The following DSTN variants were observed in gnomAD, a reference collection of about 807,000 sequenced individuals.
DSTN encodes destrin.
DSTN carries 10 observed loss-of-function variants against 16.8 expected under a neutral mutation model. That is an observed-to-expected ratio of 0.60 (90% CI 0.37 to 1.01). The LOEUF is 1.01. Among genes scored for constraint, DSTN ranks in the 50% least tolerant of loss-of-function variants. The pLI, the probability that DSTN is intolerant of heterozygous loss-of-function variation, is 0.01. For synonymous variants in DSTN, 57 were observed against 58.9 expected (o/e 0.97, Z 0.14); for missense variants, 141 against 196.7 (o/e 0.72, Z 1.69).
At chr20:17,603,406 A>G (rs565877230) in intron 2 of DSTN, among the ~76,000 whole-genome samples, 220 of 152,260 alleles carry the variant, frequency 1.4e-3, no homozygotes, top group African/African-American at 4.9e-3. Context: ...TTGTTATAAC[A>G]TTGAGAAAAA....
intron 1 of DSTN, among the ~76,000 whole-genome samples, chr20:17,571,694 T>A (rs944614622): frequency 2.0e-5 from 3 of 152,218 alleles, no homozygotes; most frequent in Admixed American, 6.5e-5. Flanking sequence ...GACTTCTGAT[T>A]TGACATTATG....
At position 17,604,526 on chromosome 20, in the gene DSTN, T is replaced by G. The variant is rs762828323; in HGVS notation, c.312-29T>G. ...CAAGTTATACTTTCTCTAAACCACT[T>G]TTTTCATTTTTGGCATCTTTCTATC... On this transcript the variant is annotated intron_variant, in intron 2 of 3. Coordinates refer to ENST00000246069, the MANE Select transcript of DSTN (RefSeq NM_006870.4). The G allele has an allele frequency of 1.9e-6, 3 of 1,598,392 alleles. No individual in the cohort carries two copies. The African/African-American group carries it at 4.1e-5, about 22-fold the overall frequency.
intron 1 of DSTN, among the ~76,000 whole-genome samples, chr20:17,592,945 C>T (rs1249203401): frequency 1.3e-5 from 2 of 152,214 alleles, no homozygotes; most frequent in African/African-American, 4.8e-5. Context: ...CTATAATTTT[C>T]TTCCTCTTCT....
At chr20:17,583,735 C>CTTTTTTTTTTTTTTTTTTTTTTTTTTT (rs71192397) in intron 1 of DSTN, among the ~76,000 whole-genome samples, 1 of 72,492 alleles carries the variant, frequency 1.4e-5, no homozygotes, top group Non-Finnish European at 2.4e-5. Flanking sequence ...TTTGGAGTTT[C>CTTTTTTTTTTTTTTTTTTTTTTTTTTT]TTTTTTTTTT....
chr20:17,571,375 C>G (rs1311949857), intron 1 of DSTN, among the ~76,000 whole-genome samples: 2 of 152,316 alleles, frequency 1.3e-5, no homozygotes, highest in South Asian at 2.1e-4. Context: ...ACTACAACTT[C>G]CGTGAACATG....
chr20:17,601,697 C>T (rs74579742), intron 2 of DSTN, among the ~76,000 whole-genome samples: 5,296 of 152,262 alleles, frequency 0.035, 258 homozygotes, highest in African/African-American at 0.11. Context: ...CTCTGTTGGG[C>T]AGTGTTACTC....
intron 1 of DSTN, among the ~76,000 whole-genome samples, chr20:17,593,805 G>A (rs1054058278): frequency 1.3e-5 from 2 of 152,148 alleles, no homozygotes; most frequent in African/African-American, 4.8e-5. Context: ...TGGGCTGGGG[G>A]TGGTGGCTCA....
rs768503849 is a variant in DSTN at position 17,607,074 on chromosome 20, T to A, written c.426T>A (p.Asp142Glu). 13 of 1,613,748 alleles carry A rather than the reference T, an allele frequency of 8.1e-6. No individual in the cohort carries two copies. Among genetic ancestry groups the A allele is most frequent in the Non-Finnish European group, 8.5e-7 (1 of 1,180,002 alleles). The change falls in exon 4 of 4, where the codon GAT becomes GAA. Residue 142 changes from aspartate (D) to glutamate (E), a missense_variant. Physicochemically the swap from Asp to Glu is conservative, Grantham distance 45. Coordinates refer to ENST00000246069, the MANE Select transcript of DSTN (RefSeq NM_006870.4). ...KHECQANGPE[D>E]LNRACIAEKL... is the part of the protein sequence containing the mutation. Reference sequence around the variant, plus strand: ...AATGTCAAGCAAATGGACCAGAAGATCTCAATCGGGCTTGTATTGCTGAAA... The same window carrying A: ...AATGTCAAGCAAATGGACCAGAAGAACTCAATCGGGCTTGTATTGCTGAAA...
At chr20:17,602,295 A>G (rs1034922698) in intron 2 of DSTN, among the ~76,000 whole-genome samples, 1 of 152,212 alleles carries the variant, frequency 6.6e-6, no homozygotes, top group Non-Finnish European at 1.5e-5. Flanking sequence ...CTTTATTTCT[A>G]CTACACGCCA....
intron 1 of DSTN, among the ~76,000 whole-genome samples, chr20:17,577,705 T>C (rs977119333): frequency 6.6e-6 from 1 of 152,226 alleles, no homozygotes; most frequent in Non-Finnish European, 1.5e-5. Flanking sequence ...ACTTTTAACT[T>C]TTCTAGTAAT....
intron 1 of DSTN, among the ~76,000 whole-genome samples, chr20:17,580,684 G>T (rs2035332454): frequency 6.6e-6 from 1 of 151,904 alleles, no homozygotes; most frequent in Admixed American, 6.6e-5. Context: ...GGAGGCGGAG[G>T]TTGCAGTGAG....
In DSTN at chr20:17,609,781, T is replaced by G. The variant is rs2035680044; in HGVS notation, c.*2635T>G. The G allele has an allele frequency of 1.3e-5, 2 of 152,222 alleles. No individual in the cohort carries two copies. The highest frequency in any genetic ancestry group is 2.9e-5 in the Non-Finnish European group (2 of 68,054). 9.4% of individuals were successfully genotyped at this position (152,222 alleles called of 1,614,324 possible). A position where few individuals can be genotyped will look rare whatever the true frequency, so the allele number is the denominator to read the frequency against. On this transcript the variant is annotated 3_prime_UTR_variant, in exon 4 of 4. Transcript: ENST00000246069. ...GGAACAAAACTGCAAGTATACTCTG[T>G]TTCCAGAAAATACGTTTACCTCTTC...
chr20:17,585,868 G>A (rs976248936), intron 1 of DSTN, among the ~76,000 whole-genome samples: 1 of 152,126 alleles, frequency 6.6e-6, no homozygotes, highest in African/African-American at 2.4e-5. Context: ...TTTTCACTCA[G>A]CATAAAGCAT....
At chr20:17,571,396 C>T (rs1195840637) in intron 1 of DSTN, among the ~76,000 whole-genome samples, 2 of 152,154 alleles carry the variant, frequency 1.3e-5, no homozygotes, top group Non-Finnish European at 2.9e-5. Flanking sequence ...CAGGCGGCCC[C>T]TTAGTGAAAG....
chr20:17,570,121 C>G lies in DSTN; in HGVS notation c.-88C>G, dbSNP rs188327264. On this transcript the variant is annotated 5_prime_UTR_variant, in exon 1 of 4. Transcript: ENST00000246069. ...GCCGCGTCAGCTCAGCGCTGGGTCT[C>G]TCGGTCCCGCAGCCGTGAGGAGGAC... 1,006 of 1,505,530 alleles carry G rather than the reference C, an allele frequency of 6.7e-4. 5 individuals carry two copies. The African/African-American group carries it at 0.013, about 19-fold the overall frequency. 93.3% of individuals were successfully genotyped at this position (1,505,530 alleles called of 1,614,324 possible). A position where few individuals can be genotyped will look rare whatever the true frequency, so the allele number is the denominator to read the frequency against.
At chr20:17,580,729 C>T (rs2035333243) in intron 1 of DSTN, among the ~76,000 whole-genome samples, 1 of 137,450 alleles carries the variant, frequency 7.3e-6, no homozygotes, top group Non-Finnish European at 1.6e-5. Context: ...GCCTGGGGGA[C>T]AAGAGTGAAA....
chr20:17,592,106 T>C, intron 1 of DSTN: 1 of 985,350 alleles, frequency 1.0e-6, no homozygotes, highest in Non-Finnish European at 1.2e-6. Context: ...GTTTTAGTTT[T>C]ACTGTATAAA....
Position 17,580,473 on chromosome 20 carries a change from C to T in DSTN, c.3+10262C>T, listed in dbSNP as rs139640308. Among the ~76,000 whole-genome samples the T allele has an allele frequency of 3.9e-5, 6 of 152,166 alleles. No homozygotes were observed. The East Asian group carries it at 7.7e-4, about 20-fold the overall frequency. ...ATCAATAGGGAGTACTAAGGCCAGG[C>T]GTGGTGACTCATGCTTGTAATCCAG... is the stretch of plus-strand genomic sequence containing the variant. On this transcript the variant is annotated intron_variant, in intron 1 of 3. Transcript: ENST00000246069.
In DSTN at chr20:17,606,832, CT is replaced by C. The variant is rs111598088; in HGVS notation, c.389-202del. On this transcript the variant is annotated intron_variant, in intron 3 of 3. Coordinates refer to ENST00000246069, the MANE Select transcript of DSTN (RefSeq NM_006870.4). Reference sequence around the variant, plus strand: ...AATATATGCATTTTAAATCTGGATTCTTTCAGTGAATGCTGTTTGTGAGGCC... The same window carrying C: ...AATATATGCATTTTAAATCTGGATTCTTCAGTGAATGCTGTTTGTGAGGCC... Among the ~76,000 whole-genome samples, 399 of 152,288 alleles carry C rather than the reference CT, an allele frequency of 2.6e-3. 2 individuals carry two copies. The highest frequency in any genetic ancestry group is 8.7e-3 in the African/African-American group (361 of 41,548).
Sources: allele counts gnomAD v4.1 joint callset (sites outside exome capture counted in the v4.1 genomes callset), GRCh38; gene constraint gnomAD v4.1.1; transcripts MANE v1.5; gene names NCBI Gene and HGNC (gene_info 2026-07-23, HGNC 2026-07-21).